C2orf78: variants seen among roughly 807,000 people sequenced by gnomAD.
The protein encoded by C2orf78 is uncharacterized protein C2orf78.
C2orf78 carries 12 observed loss-of-function variants against 21.4 expected under a neutral mutation model. That is an observed-to-expected ratio of 0.56 (90% CI 0.36 to 0.91). The LOEUF (loss-of-function observed/expected upper bound fraction) is 0.91. Among genes scored for constraint, C2orf78 ranks in the 40% least tolerant of loss-of-function variants. The pLI, the probability that C2orf78 is intolerant of heterozygous loss-of-function variation, is 0.01. For missense variants in C2orf78, 1,042 were observed against 1,092.4 expected (o/e 0.95, Z 0.65); for synonymous variants, 396 against 413.9 (o/e 0.96, Z 0.52).
intron 1 of C2orf78, among the ~76,000 whole-genome samples, chr2:73,786,226 A>G (rs1030446424): frequency 1.3e-5 from 2 of 151,648 alleles, no homozygotes; most frequent in African/African-American, 4.9e-5. Context: ...CTGAAAATAT[A>G]AGAATTAGCT....
exon 3 of C2orf78, chr2:73,816,088 C>A (rs754625900): frequency 6.2e-7 from 1 of 1,613,746 alleles, no homozygotes; most frequent in Non-Finnish European, 8.5e-7. Context: ...CTTAAAAAGC[C>A]CCGAAGCTCC....
exon 2 of C2orf78, chr2:73,814,124 G>T: frequency 6.2e-7 from 1 of 1,612,504 alleles, no homozygotes; most frequent in Middle Eastern, 1.7e-4. Context: ...AATGGTGATG[G>T]TGCTGAAGGA....
exon 3 of C2orf78, chr2:73,816,307 A>G (rs748376391): frequency 1.2e-6 from 2 of 1,613,872 alleles, no homozygotes; most frequent in Non-Finnish European, 1.7e-6. Flanking sequence ...CAGAAACTAG[A>G]TGGTAGTGCT....
chr2:73,785,648 T>A (rs186347917), intron 1 of C2orf78, among the ~76,000 whole-genome samples: 2 of 152,052 alleles, frequency 1.3e-5, no homozygotes, highest in Non-Finnish European at 2.9e-5. Flanking sequence ...ACATTACATA[T>A]CCCTAGGAAA....
chr2:73,786,008 T>C (rs1390969741), intron 1 of C2orf78, among the ~76,000 whole-genome samples: 2 of 151,720 alleles, frequency 1.3e-5, no homozygotes, highest in African/African-American at 4.9e-5. Flanking sequence ...ATCGCGCCAT[T>C]GCACTCCAGC....
At chr2:73,814,269 T>C (rs1673149429) in intron 2 of C2orf78, 43 bp downstream of exon 2, 2 of 1,514,866 alleles carry the variant, frequency 1.3e-6, no homozygotes, top group Admixed American at 4.2e-5. Context: ...ATGTCAGCGT[T>C]GAAAAGGAGG....
chr2:73,784,223 G>A, exon 1 of C2orf78: 1 of 1,513,260 alleles, frequency 6.6e-7, no homozygotes, highest in Non-Finnish European at 8.8e-7. Context: ...AGCATCTTGG[G>A]GTTTCCTGGG....
rs187271375 is a variant in C2orf78 at position 73,815,947 on chromosome 2, G to T, written c.1724G>T (p.Gly575Val). The change falls in exon 3 of 3, where the codon GGG (glycine) becomes GTG (valine). Residue 575 changes from glycine to valine, a missense_variant. This residue lies in a region of C2orf78 where 1,039 missense variants were observed against 1,069.7 expected (regional missense o/e 0.97). Coordinates refer to ENST00000409561, the Ensembl canonical transcript of C2orf78. ...AGCCATGGGCAGGAAAAGACCAAAGGGAACAGAAAGAACAGCTCCAAGAAA... is the reference window on the plus strand; with the variant it reads ...AGCCATGGGCAGGAAAAGACCAAAGTGAACAGAAAGAACAGCTCCAAGAAA... The T allele has an allele frequency of 2.9e-5, 46 of 1,613,774 alleles. No individual in the cohort carries two copies. The African/African-American group carries it at 5.6e-4, about 20-fold the overall frequency.
At chr2:73,808,487 T>A (rs1673005280) in intron 1 of C2orf78, among the ~76,000 whole-genome samples, 1 of 150,718 alleles carries the variant, frequency 6.6e-6, no homozygotes, top group African/African-American at 2.5e-5. Context: ...ATTGAGATGA[T>A]CTCCCTAACA....
At chr2:73,815,692 G>A in exon 3 of C2orf78, 12 of 1,613,916 alleles carry the variant, frequency 7.4e-6, no homozygotes, top group South Asian at 1.1e-5. Context: ...GAAAAGTCAT[G>A]TGTCATAAAG....
At chr2:73,811,019 G>A (rs1167193627) in intron 1 of C2orf78, among the ~76,000 whole-genome samples, 3 of 147,834 alleles carry the variant, frequency 2.0e-5, no homozygotes, top group Non-Finnish European at 4.5e-5. Context: ...GGCCGAGCTC[G>A]GTGGCTCACA....
chr2:73,813,998 A>C lies in C2orf78; in HGVS notation c.619A>C (p.Ile207Leu), dbSNP rs1251482717. The C allele has an allele frequency of 1.9e-6, 3 of 1,613,908 alleles. No individual in the cohort carries two copies. The African/African-American group carries it at 4.0e-5, about 22-fold the overall frequency. ...CCATAACCTGTCACTTCCCTGCCAG[A>C]TAGGAAGCCAGGTCTATTACTATAA... Residue 207 changes from isoleucine (I) to leucine (L), a missense_variant, in exon 2 of 3, where the codon ATA becomes CTA. Coordinates refer to ENST00000409561, the Ensembl canonical transcript of C2orf78.
intron 1 of C2orf78, among the ~76,000 whole-genome samples, chr2:73,808,171 G>A (rs1355305559): frequency 3.3e-5 from 5 of 150,320 alleles, no homozygotes; most frequent in Admixed American, 6.6e-5. Context: ...GGAGAATGGC[G>A]TGAACCTGGG....
chr2:73,814,019 T>G lies in C2orf78; in HGVS notation c.640T>G (p.Tyr214Asp), dbSNP rs754184772. The stretch of plus-strand genomic sequence containing the variant: ...CCAGATAGGAAGCCAGGTCTATTAC[T>G]ATAATCAAGGCACACTGGGGCCTCA... Residue 214 changes from tyrosine (Y) to aspartate (D), a missense_variant, in exon 2 of 3, where the codon TAT (tyrosine) becomes GAT (aspartate). Physicochemically the swap from Tyr to Asp is radical, Grantham distance 160. Transcript: ENST00000409561. The G allele has an allele frequency of 4.3e-6, 7 of 1,614,018 alleles. No individual in the cohort carries two copies. The Admixed American group carries it at 6.7e-5, about 15-fold the overall frequency.
rs1558543659 is a variant in C2orf78 at position 73,816,346 on chromosome 2, C to CT, written c.2124dup (p.Glu709Ter). 2 of 1,613,880 alleles carry CT rather than the reference C, an allele frequency of 1.2e-6. No homozygotes were observed. The highest frequency in any genetic ancestry group is 3.3e-5 in the Admixed American group (2 of 60,008). ...AAAGAGTGTACATCTCCATCCCACT[C>CT]TGAGTTGCCACCACCTGGGAAGGTC... On this transcript the variant is annotated frameshift_variant, in exon 3 of 3. Coordinates refer to ENST00000409561, the Ensembl canonical transcript of C2orf78. LOFTEE classifies it low-confidence loss of function (END_TRUNC).
chr2:73,813,616 G>A lies in C2orf78; in HGVS notation c.237G>A (p.Trp79Ter). The change falls in exon 2 of 3, where the codon TGG becomes TGA. Residue 79 changes from tryptophan (W) to a stop codon, truncating the protein, a stop_gained. Transcript: ENST00000409561. LOFTEE classifies it high-confidence loss of function. ...CTGCTCCAGCCATCAGCTCAGCATG[G>A]CTACAGCCATCAGCCTCTGGCACCT... 3.1e-6 allele frequency: 5 copies of A among 1,613,990 alleles called. No individual in the cohort carries two copies. Among genetic ancestry groups the A allele is most frequent in the Non-Finnish European group, 4.2e-6 (5 of 1,179,894 alleles).
intron 1 of C2orf78, among the ~76,000 whole-genome samples, chr2:73,786,463 G>C (rs904712177): frequency 8.4e-6 from 1 of 119,302 alleles, no homozygotes; most frequent in Non-Finnish European, 1.7e-5. Flanking sequence ...TATATCCATA[G>C]ATTTCCTCCC....
At chr2:73,813,601 C>T (rs1381214158) in exon 2 of C2orf78, 1 of 1,614,066 alleles carries the variant, frequency 6.2e-7, no homozygotes, top group Admixed American at 1.7e-5. Flanking sequence ...CTGCTCCAGC[C>T]ATCAGCTCAG....
At chr2:73,814,331 G>C in intron 2 of C2orf78, 105 bp downstream of exon 2, 1 of 1,271,534 alleles carries the variant, frequency 7.9e-7, no homozygotes, top group South Asian at 1.5e-5. Context: ...TTTAAGTCCT[G>C]AGACTTCAAC....
Sources: allele counts gnomAD v4.1 joint callset (sites outside exome capture counted in the v4.1 genomes callset), GRCh38; gene constraint gnomAD v4.1.1; regional missense constraint gnomAD v4.1.1; transcripts MANE v1.5; gene names NCBI Gene and HGNC (gene_info 2026-07-23, HGNC 2026-07-21).